Variants in SNTB1 observed in about 807,000 individuals in gnomAD.
SNTB1 encodes the protein beta-1-syntrophin.
SNTB1 carries 36 observed loss-of-function variants against 48.9 expected under a neutral mutation model. The observed-to-expected ratio is 0.74, with a 90% CI of 0.56 to 0.97. The LOEUF is 0.97. Ranked by LOEUF, SNTB1 falls within the 50% of genes least tolerant of loss-of-function variation. The pLI, the probability that SNTB1 is intolerant of heterozygous loss-of-function variation, is 0.00. For missense variants in SNTB1, 786 were observed against 703.4 expected (o/e 1.12, Z -1.33); for synonymous variants, 299 against 294.6 (o/e 1.01, Z -0.15).
At chr8:120,802,982 C>T (rs2130182851) in intron 1 of SNTB1, among the ~76,000 whole-genome samples, 1 of 151,906 alleles carries the variant, frequency 6.6e-6, no homozygotes, top group East Asian at 1.9e-4. Flanking sequence ...TAAACCACTG[C>T]ACTAACCTGC....
chr8:120,661,923 G>A lies in SNTB1; in HGVS notation c.789-29272C>T, dbSNP rs149680457. On this transcript the variant is annotated intron_variant, in intron 2 of 6. Coordinates refer to ENST00000517992, the MANE Select transcript of SNTB1 (RefSeq NM_021021.4). ...GGAGTAGAAAATTCATGGTGTGCTGGAGGCAATTTTAACTTTTTAAATCAT... is the reference window on the plus strand; with the variant it reads ...GGAGTAGAAAATTCATGGTGTGCTGAAGGCAATTTTAACTTTTTAAATCAT... Among the ~76,000 whole-genome samples, 226 of 152,310 alleles carry A rather than the reference G, an allele frequency of 1.5e-3. 3 individuals are homozygous for A. In the East Asian group the frequency reaches 0.037, roughly 25 times the overall value.
chr8:120,545,189 C>G (rs924293049), intron 5 of SNTB1, among the ~76,000 whole-genome samples: 8 of 151,980 alleles, frequency 5.3e-5, no homozygotes, highest in African/African-American at 1.9e-4. Flanking sequence ...ACTAAAAATA[C>G]AAAAATTAGC....
chr8:120,623,430 C>T (rs1816823854), intron 3 of SNTB1, among the ~76,000 whole-genome samples: 1 of 152,188 alleles, frequency 6.6e-6, no homozygotes, highest in South Asian at 2.1e-4. Flanking sequence ...TCCCTAACAG[C>T]CTGTGAAATT....
intron 3 of SNTB1, among the ~76,000 whole-genome samples, chr8:120,586,869 C>G (rs78474498): frequency 6.6e-6 from 1 of 152,122 alleles, no homozygotes; most frequent in African/African-American, 2.4e-5. Context: ...AAAATAGTGA[C>G]AATTGTTGAA....
chr8:120,596,953 C>T (rs529865150), intron 3 of SNTB1, among the ~76,000 whole-genome samples: 2 of 152,264 alleles, frequency 1.3e-5, no homozygotes, highest in East Asian at 1.9e-4. Context: ...GAACAGTGGT[C>T]CCCCCACAAA....
At position 120,747,239 on chromosome 8, in the gene SNTB1, C is replaced by T. The variant is rs373884269; in HGVS notation, c.572-53331G>A. Among the ~76,000 whole-genome samples, 37 of 152,226 alleles carry T rather than the reference C, an allele frequency of 2.4e-4. No homozygotes were observed. The South Asian group carries it at 7.7e-3, about 32-fold the overall frequency. ...CATGGATGGAGTTGAAGGCCATTAT[C>T]CTTAGCAAATTAATGCAGGAACAGA... On this transcript the variant is annotated intron_variant, in intron 1 of 6. Coordinates refer to ENST00000517992, the MANE Select transcript of SNTB1 (RefSeq NM_021021.4).
intron 2 of SNTB1, among the ~76,000 whole-genome samples, chr8:120,668,208 T>C (rs1475606227): frequency 4.6e-5 from 7 of 152,176 alleles, no homozygotes; most frequent in Non-Finnish European, 8.8e-5. Context: ...TGCGGTTCCC[T>C]CTCCCTGGGC....
chr8:120,572,015 G>A (rs1430889079), intron 4 of SNTB1, among the ~76,000 whole-genome samples: 4 of 147,556 alleles, frequency 2.7e-5, no homozygotes, highest in East Asian at 2.3e-4. Context: ...CCCCACCCCC[G>A]CTGCTGGTCT....
chr8:120,744,121 A>ATTTTTTTTTTTTTTTTTTTTTTTTTTT (rs35604534), intron 1 of SNTB1, among the ~76,000 whole-genome samples: 12 of 136,140 alleles, frequency 8.8e-5, no homozygotes, highest in East Asian at 2.3e-4. Flanking sequence ...CCCTGTCTCA[A>ATTTTTTTTTTTTTTTTTTTTTTTTTTT]TTTTTTTTTT....
intron 2 of SNTB1, among the ~76,000 whole-genome samples, chr8:120,679,670 C>T (rs1246974492): frequency 6.6e-6 from 1 of 152,210 alleles, no homozygotes; most frequent in Non-Finnish European, 1.5e-5. Context: ...GATTAGTTCT[C>T]ACCTAAATTT....
At chr8:120,805,032 T>C (rs578019116) in intron 1 of SNTB1, among the ~76,000 whole-genome samples, 1 of 152,338 alleles carries the variant, frequency 6.6e-6, no homozygotes, top group African/African-American at 2.4e-5. Flanking sequence ...AATGTTCTAG[T>C]AGAGTATAGT....
intron 1 of SNTB1, among the ~76,000 whole-genome samples, chr8:120,740,206 C>T (rs1429494867): frequency 1.3e-5 from 2 of 152,180 alleles, no homozygotes; most frequent in African/African-American, 4.8e-5. Context: ...GCCCTCATCA[C>T]TTCCTCCACC....
At chr8:120,781,371 AT>A (rs201988500) in intron 1 of SNTB1, among the ~76,000 whole-genome samples, 6 of 151,280 alleles carry the variant, frequency 4.0e-5, no homozygotes, top group East Asian at 1.9e-4. Flanking sequence ...GTATTTTGCC[AT>A]TTTTTTTTAA....
intron 3 of SNTB1, among the ~76,000 whole-genome samples, chr8:120,588,843 G>C (rs193194406): frequency 7.9e-5 from 12 of 152,270 alleles, no homozygotes; most frequent in Non-Finnish European, 1.8e-4. Flanking sequence ...GCTCCTCCTA[G>C]GATCCAATTA....
intron 1 of SNTB1, among the ~76,000 whole-genome samples, chr8:120,795,379 C>T (rs1428566585): frequency 6.6e-6 from 1 of 152,004 alleles, no homozygotes; most frequent in East Asian, 1.9e-4. Context: ...CTGGTCCCAC[C>T]TATTTAATAA....
intron 1 of SNTB1, among the ~76,000 whole-genome samples, chr8:120,733,640 A>G (rs1015677004): frequency 6.6e-6 from 1 of 152,238 alleles, no homozygotes; most frequent in African/African-American, 2.4e-5. Context: ...CTCTGACATA[A>G]CAAACAACCA....
intron 3 of SNTB1, among the ~76,000 whole-genome samples, chr8:120,576,743 A>T (rs963536662): frequency 1.3e-5 from 2 of 152,216 alleles, no homozygotes; most frequent in Non-Finnish European, 2.9e-5. Context: ...ATTTCTTTGT[A>T]TCTCAGTTTC....
rs186340368 is a variant in SNTB1 at position 120,732,238 on chromosome 8, C to A, written c.572-38330G>T. Among the ~76,000 whole-genome samples, 89 of 152,278 alleles carry A rather than the reference C, an allele frequency of 5.8e-4. 3 individuals are homozygous for A. The East Asian group carries it at 0.015, about 26-fold the overall frequency. ...ATGCTTCCTACAACTTGTAGGTTAA[C>A]TCGACTCATTTCTGCAATATTGAAC... is the stretch of plus-strand genomic sequence containing the variant. On this transcript the variant is annotated intron_variant, in intron 1 of 6. Transcript: ENST00000517992.
chr8:120,677,890 T>A (rs1309408966), intron 2 of SNTB1, among the ~76,000 whole-genome samples: 1 of 152,148 alleles, frequency 6.6e-6, no homozygotes, highest in Non-Finnish European at 1.5e-5. Flanking sequence ...GTAAAAAATA[T>A]TGATGGAGTG....
Sources: gnomAD v4.1 joint callset for allele counts (sites outside exome capture counted in the v4.1 genomes callset) on GRCh38, gnomAD v4.1.1 for gene constraint, MANE v1.5 for transcripts, NCBI Gene and HGNC (gene_info 2026-07-23, HGNC 2026-07-21) for gene names.